CRMP1: variants seen among roughly 807,000 people sequenced by gnomAD.
CRMP1 encodes the protein collapsin response mediator protein 1.
In CRMP1, 19 loss-of-function variants were observed where a neutral mutation model predicts 68.3. The ratio of observed to expected loss-of-function variants is 0.28; its 90% CI spans 0.19 to 0.41. The LOEUF (loss-of-function observed/expected upper bound fraction) is 0.41. Among genes scored for constraint, CRMP1 ranks in the 10% least tolerant of loss-of-function variants. CRMP1 has a pLI of 1.00. For synonymous variants in CRMP1, 439 were observed against 399.6 expected (o/e 1.10, Z -1.18); for missense variants, 791 against 967.4 (o/e 0.82, Z 2.42).
Position 5,858,612 on chromosome 4 carries a change from C to T in CRMP1, c.656-2305G>A, listed in dbSNP as rs57422555. ...CCACCCTCATCTCTCAGCTGAATTA[C>T]GCAATCGCCTCCCAACTGGTCCAGA... On this transcript the variant is annotated intron_variant, in intron 3 of 13. Transcript: ENST00000324989. The surrounding 1 kb of genome is among the most constrained non-coding windows in gnomAD (Gnocchi z 5.5). Among the ~76,000 whole-genome samples the T allele has an allele frequency of 0.018, 2,691 of 152,276 alleles. 69 individuals carry two copies. The highest frequency in any genetic ancestry group is 0.059 in the African/African-American group (2,434 of 41,524).
rs1713490372 is a variant in CRMP1, at chr4:5,860,761, G to A, written c.655+265C>T. Among the ~76,000 whole-genome samples the A allele has an allele frequency of 6.6e-6, 1 of 151,936 alleles. No homozygotes were observed. Among genetic ancestry groups the A allele is most frequent in the African/African-American group, 2.4e-5 (1 of 41,330 alleles). ...TGCTAAGCGATTATATCAATGAGAT[G>A]TTGTTTTATTTCAATATTTTAAAAA... is the stretch of plus-strand genomic sequence containing the variant. On this transcript the variant is annotated intron_variant, in intron 3 of 13. Coordinates refer to ENST00000324989, the MANE Select transcript of CRMP1 (RefSeq NM_001014809.3). This position sits in a 1 kb window ranked among gnomAD's most constrained non-coding sequence, Gnocchi z 4.2.
rs550466394 is a variant in CRMP1 at position 5,872,497 on chromosome 4, G to A, written c.382-5741C>T. On this transcript the variant is annotated intron_variant, in intron 1 of 13. Coordinates refer to ENST00000324989, the MANE Select transcript of CRMP1 (RefSeq NM_001014809.3). This position sits in a 1 kb window ranked among gnomAD's most constrained non-coding sequence, Gnocchi z 4.6. ...AGGTTAGGAGTTTGAGACCAGCCTGGCCAACATGGTGAAACCCCGTCTCTA... is the reference window on the plus strand; with the variant it reads ...AGGTTAGGAGTTTGAGACCAGCCTGACCAACATGGTGAAACCCCGTCTCTA... 2.4e-4 allele frequency among the ~76,000 whole-genome samples: 36 copies of A among 152,176 alleles called. 1 individual carries two copies. Among genetic ancestry groups the A allele is most frequent in the African/African-American group, 8.2e-4 (34 of 41,518 alleles).
In CRMP1 at chr4:5,841,214, CCTGT is replaced by C. The variant is rs1036433737; in HGVS notation, c.1153+90_1153+93del. Reference sequence around the variant, plus strand: ...GCTCCACCCCTCCCTCCTCCGGCTGCCTGTCTGAGTTCGGGAGGGAGTGAACTTG... The same window carrying C: ...GCTCCACCCCTCCCTCCTCCGGCTGCCTGAGTTCGGGAGGGAGTGAACTTG... On this transcript the variant is annotated intron_variant, in intron 8 of 13. Coordinates refer to ENST00000324989, the MANE Select transcript of CRMP1 (RefSeq NM_001014809.3). This position sits in a 1 kb window ranked among gnomAD's most constrained non-coding sequence, Gnocchi z 6.9. 1.8e-5 allele frequency: 28 copies of C among 1,594,986 alleles called. No homozygotes were observed. The highest frequency in any genetic ancestry group is 8.0e-5 in the African/African-American group (6 of 74,568).
chr4:5,828,463 G>A (rs1422902497), intron 12 of CRMP1, 26 bp downstream of exon 12: 2 of 1,606,454 alleles, frequency 1.2e-6, no homozygotes, highest in South Asian at 2.2e-5. Context: ...CCACGGGTGG[G>A]CCCGCTCCCC....
intron 10 of CRMP1, 96 bp from the exon 11 acceptor site, chr4:5,836,181 G>A: frequency 8.8e-7 from 1 of 1,142,680 alleles, no homozygotes; most frequent in Non-Finnish European, 1.2e-6. Context: ...CTGAGGCCTT[G>A]CAAGGCTTGG....
Position 5,888,470 on chromosome 4 carries a change from C to A in CRMP1, c.381+4119G>T. On this transcript the variant is annotated intron_variant, in intron 1 of 13. Transcript: ENST00000324989. The surrounding 1 kb of genome is among the most constrained non-coding windows in gnomAD (Gnocchi z 6.4). ...CCGCCGCCGCTCCGGCTGCCAGCAC[C>A]GCCCGGATCGGCGAGGAGGGCGGGA... 8.3e-7 allele frequency: 1 copy of A among 1,210,516 alleles called. No homozygotes were observed. 75.0% of individuals were successfully genotyped at this position (1,210,516 alleles called of 1,614,324 possible).
chr4:5,850,353 T>C lies in CRMP1; in HGVS notation c.883-881A>G, dbSNP rs753597277. Among the ~76,000 whole-genome samples the C allele has an allele frequency of 9.2e-5, 14 of 152,230 alleles. No homozygotes were observed. Among genetic ancestry groups the C allele is most frequent in the Non-Finnish European group, 1.5e-4 (10 of 68,028 alleles). On this transcript the variant is annotated intron_variant, in intron 5 of 13. Coordinates refer to ENST00000324989, the MANE Select transcript of CRMP1 (RefSeq NM_001014809.3). The surrounding 1 kb of genome is among the most constrained non-coding windows in gnomAD (Gnocchi z 4.4). Reference sequence around the variant, plus strand: ...ATGAAACAGGTGAAAATCACAATTATGCCAGCACATCACATGCTATGTTTT... The same window carrying C: ...ATGAAACAGGTGAAAATCACAATTACGCCAGCACATCACATGCTATGTTTT...
At chr4:5,857,208 C>T (rs890130326) in intron 3 of CRMP1, among the ~76,000 whole-genome samples, 1 of 151,282 alleles carries the variant, frequency 6.6e-6, no homozygotes, top group Admixed American at 6.6e-5. Flanking sequence ...ATCATCACCA[C>T]CCCATCACCA....
At position 5,866,693 on chromosome 4, in the gene CRMP1, C is replaced by T. The variant is rs377482181; in HGVS notation, c.445G>A (p.Val149Ile). ...INDDQSLYAD[V>I]YLEDGLIKQI... ...TTGATAAGTCCATCCTCCAGGTAGA[C>T]GTCAGCATAAAGGGATTGGTCATCG... Residue 149 changes from valine (V) to isoleucine (I), a missense_variant, in exon 2 of 14, where the codon GTC becomes ATC. By Grantham distance (29) the Val-to-Ile change is conservative. Around this residue, in one of 3 missense-constraint regions of CRMP1, gnomAD observed 594 missense variants for 763.6 expected, o/e 0.78. Coordinates refer to ENST00000324989, the MANE Select transcript of CRMP1 (RefSeq NM_001014809.3). This position sits in a 1 kb window ranked among gnomAD's most constrained non-coding sequence, Gnocchi z 5.9. 38 of 1,612,850 alleles carry T rather than the reference C, an allele frequency of 2.4e-5. No individual in the cohort carries two copies. The highest frequency in any genetic ancestry group is 1.0e-4 in the Admixed American group (6 of 59,964).
chr4:5,862,334 G>A (rs573100318), intron 2 of CRMP1, among the ~76,000 whole-genome samples: 5 of 147,458 alleles, frequency 3.4e-5, no homozygotes, highest in Admixed American at 6.6e-5. Flanking sequence ...AATGTCCACC[G>A]CCGCTGCTTA....
rs1017436608 is a variant in CRMP1, at chr4:5,872,851, C to T, written c.382-6095G>A. Among the ~76,000 whole-genome samples, 2 of 152,194 alleles carry T rather than the reference C, an allele frequency of 1.3e-5. No homozygotes were observed. Among genetic ancestry groups the T allele is most frequent in the Non-Finnish European group, 2.9e-5 (2 of 68,042 alleles). On this transcript the variant is annotated intron_variant, in intron 1 of 13. Coordinates refer to ENST00000324989, the MANE Select transcript of CRMP1 (RefSeq NM_001014809.3). The surrounding 1 kb of genome is among the most constrained non-coding windows in gnomAD (Gnocchi z 4.6). Reference sequence around the variant, plus strand: ...GCAAATCATGTTCTTGTGTCAGCACCACTTAAAAGCAAAACGTCCACACTC... The same window carrying T: ...GCAAATCATGTTCTTGTGTCAGCACTACTTAAAAGCAAAACGTCCACACTC...
In CRMP1 at chr4:5,888,706, G is replaced by A. The variant is rs1490745010; in HGVS notation, c.381+3883C>T. On this transcript the variant is annotated intron_variant, in intron 1 of 13. Transcript: ENST00000324989. This position sits in a 1 kb window ranked among gnomAD's most constrained non-coding sequence, Gnocchi z 6.4. ...TGGCGGGCCCTGGCCTCGCTCTCGCGATCCAGAGAGTATGGTTTTCAGGGC... is the reference window on the plus strand; with the variant it reads ...TGGCGGGCCCTGGCCTCGCTCTCGCAATCCAGAGAGTATGGTTTTCAGGGC... 1.2e-6 allele frequency: 1 copy of A among 808,470 alleles called. No homozygotes were observed. Among genetic ancestry groups the A allele is most frequent in the African/African-American group, 1.9e-5 (1 of 52,738 alleles). 50.1% of individuals were successfully genotyped at this position (808,470 alleles called of 1,614,324 possible).
At chr4:5,868,261 C>CTATCTATCTATCTATATA (rs1210674102) in intron 1 of CRMP1, among the ~76,000 whole-genome samples, 1 of 111,472 alleles carries the variant, frequency 9.0e-6, no homozygotes, top group Admixed American at 1.0e-4. Context: ...GACTATATAT[C>CTATCTATCTATCTATATA]TATATATATA....
chr4:5,873,015 G>A (rs1265303261), intron 1 of CRMP1, among the ~76,000 whole-genome samples: 2 of 152,200 alleles, frequency 1.3e-5, no homozygotes. Flanking sequence ...GCCCAGGCCT[G>A]GCAGGTGAAG....
chr4:5,841,337 G>C lies in CRMP1; in HGVS notation c.1124C>G (p.Ala375Gly), dbSNP rs2152459907. Residue 375 changes from alanine to glycine, a missense_variant, in exon 8 of 14, where the codon GCC becomes GGC. By Grantham distance (60) the Ala-to-Gly change is moderately conservative (BLOSUM62 0). This residue lies in a region of CRMP1 where 594 missense variants were observed against 763.6 expected (regional missense o/e 0.78). Transcript: ENST00000324989. The surrounding 1 kb of genome is among the most constrained non-coding windows in gnomAD (Gnocchi z 6.9). ...YITKVMSKSA[A>G]DIIALARKKG... ...CTTCCTGGCCAGAGCGATGATGTCG[G>C]CTGCACTCTTGCTCATGACCTTGGT... 1 of 1,614,030 alleles carries C rather than the reference G, an allele frequency of 6.2e-7. No homozygotes were observed. Among genetic ancestry groups the C allele is most frequent in the Non-Finnish European group, 8.5e-7 (1 of 1,180,032 alleles).
rs571874042 is a variant in CRMP1, at chr4:5,824,462, C to T, written c.1969+1032G>A. ...ATGGATAAGAGGTTCTGCCACCACA[C>T]AATCTGAATTCACACGTCATCCTCT... On this transcript the variant is annotated intron_variant, in intron 13 of 13. Transcript: ENST00000324989. 142 of 985,376 alleles carry T rather than the reference C, an allele frequency of 1.4e-4. No homozygotes were observed. In the African/African-American group the frequency reaches 2.4e-3, roughly 16 times the overall value. 61.0% of individuals were successfully genotyped at this position (985,376 alleles called of 1,614,324 possible).
intron 13 of CRMP1, among the ~76,000 whole-genome samples, chr4:5,822,607 G>A (rs1483075401): frequency 6.6e-6 from 1 of 152,050 alleles, no homozygotes; most frequent in Non-Finnish European, 1.5e-5. Context: ...AGCAAACCCA[G>A]TGCCTGGAGC....
intron 1 of CRMP1, among the ~76,000 whole-genome samples, chr4:5,871,949 C>T (rs948994614): frequency 1.3e-5 from 2 of 152,178 alleles, no homozygotes; most frequent in African/African-American, 4.8e-5. Flanking sequence ...GATCCCACCT[C>T]GCAGGGAAAT....
chr4:5,830,372 G>A (rs546195480), intron 11 of CRMP1, among the ~76,000 whole-genome samples: 1 of 152,330 alleles, frequency 6.6e-6, no homozygotes, highest in South Asian at 2.1e-4. Context: ...TGGTCAAACA[G>A]ACCATTCTTT....
Sources: gnomAD v4.1 joint callset for allele counts (sites outside exome capture counted in the v4.1 genomes callset) on GRCh38, gnomAD v4.1.1 for gene constraint, gnomAD v4.1.1 regional missense constraint, Gnocchi (gnomAD v3.1) non-coding constraint, MANE v1.5 for transcripts, NCBI Gene and HGNC (gene_info 2026-07-23, HGNC 2026-07-21) for gene names.